The following CACNA1E variants were observed in gnomAD, a reference collection of about 807,000 sequenced individuals.
CACNA1E encodes the protein voltage-dependent R-type calcium channel subunit alpha-1E.
CACNA1E carries 40 observed loss-of-function variants against 259.2 expected under a neutral mutation model. The observed-to-expected ratio is 0.15, with a 90% confidence interval of 0.12 to 0.20. The LOEUF (loss-of-function observed/expected upper bound fraction) is 0.20, where lower values mean the gene tolerates loss of function less well. Among genes scored for constraint, CACNA1E ranks in the 10% least tolerant of loss-of-function variants. The pLI is 1.00. For missense variants in CACNA1E, 1,874 were observed against 3,040.1 expected, an observed-to-expected ratio of 0.62 and a Z score of 9.02; for synonymous variants, 1,104 against 1,138.5, an observed-to-expected ratio of 0.97 and a Z score of 0.61.
intron 40 of CACNA1E, 137 bp downstream of exon 40, chr1:181,783,921 C>G: frequency 1.7e-6 from 1 of 578,702 alleles, no homozygotes; most frequent in Non-Finnish European, 3.2e-6. Context: ...CATCAAGTAT[C>G]TGACTCAATA....
chr1:181,453,170 A>G (rs566359444), intron 2 of CACNA1E, among the ~76,000 whole-genome samples: 2 of 152,364 alleles, frequency 1.3e-5, no homozygotes, highest in East Asian at 1.9e-4. Flanking sequence ...TTTAAAGGCT[A>G]CAGTTTGCCT....
At chr1:181,727,174 G>A (rs1654990432) in intron 18 of CACNA1E, among the ~76,000 whole-genome samples, 1 of 152,198 alleles carries the variant, frequency 6.6e-6, no homozygotes, top group African/African-American at 2.4e-5. Context: ...CATTTAGATG[G>A]CATTTAAGTC....
In CACNA1E at chr1:181,731,169, C is replaced by A. The variant is rs1655440056; in HGVS notation, c.2241-6C>A. The A allele has an allele frequency of 6.2e-7, 1 of 1,612,974 alleles. No individual in the cohort carries two copies. The highest frequency in any genetic ancestry group is 8.5e-7 in the Non-Finnish European group (1 of 1,179,024). ...TGAACTGAACCTGTCCATTTTTCTT[C>A]CCCAGAAGAGACAGAAGGAGAAGAC... On this transcript the variant is annotated splice_region_variant and splice_polypyrimidine_tract_variant and intron_variant, in intron 18 of 47. Coordinates refer to ENST00000367573, the MANE Select transcript of CACNA1E (RefSeq NM_001205293.3).
intron 6 of CACNA1E, among the ~76,000 whole-genome samples, chr1:181,611,865 C>T (rs905644708): frequency 2.0e-5 from 3 of 152,196 alleles, no homozygotes; most frequent in African/African-American, 7.2e-5. Flanking sequence ...TATGATCATT[C>T]TAGTATGCAA....
At chr1:181,583,917 T>C (rs904196312) in intron 6 of CACNA1E, among the ~76,000 whole-genome samples, 1 of 152,194 alleles carries the variant, frequency 6.6e-6, no homozygotes, top group African/African-American at 2.4e-5. Flanking sequence ...GCAAACTCTC[T>C]TCTTTACTTA....
intron 1 of CACNA1E, among the ~76,000 whole-genome samples, chr1:181,407,821 T>G (rs1234549593): frequency 6.6e-6 from 1 of 152,232 alleles, no homozygotes; most frequent in Non-Finnish European, 1.5e-5. Context: ...TTTTACTGTA[T>G]CAGTTCTCTC....
At chr1:181,585,223 G>T (rs1254946046) in intron 6 of CACNA1E, among the ~76,000 whole-genome samples, 3 of 152,180 alleles carry the variant, frequency 2.0e-5, no homozygotes. Context: ...GCTTAGTGAG[G>T]AGCTATGATA....
chr1:181,503,306 C>T (rs953055085), intron 1 of CACNA1E, among the ~76,000 whole-genome samples: 2 of 152,204 alleles, frequency 1.3e-5, no homozygotes, highest in African/African-American at 4.8e-5. Context: ...GGAACTGGAG[C>T]CAGACTTCTG....
Position 181,733,707 on chromosome 1 carries a change from C to A in CACNA1E, c.3219C>A (p.Ala1073=). The change falls in exon 21 of 48, where the codon GCC becomes GCA. Residue 1073 remains alanine (A), a synonymous_variant. Transcript: ENST00000367573. The stretch of plus-strand genomic sequence containing the variant: ...CCGAGAGCACCAGCGTCACCGTCGC[C>A]ATCCCCGACGTGGACCCCTTGGTGG... ...ATTESTSVTV[A]IPDVDPLVDS... is the part of the protein sequence containing the mutation. 6.3e-7 allele frequency: 1 copy of A among 1,591,490 alleles called. No homozygotes were observed. The highest frequency in any genetic ancestry group is 8.6e-7 in the Non-Finnish European group (1 of 1,168,502).
intron 1 of CACNA1E, among the ~76,000 whole-genome samples, chr1:181,360,405 T>C (rs1034520415): frequency 2.6e-5 from 4 of 152,182 alleles, no homozygotes; most frequent in Admixed American, 2.6e-4. Flanking sequence ...ACAAAGAATT[T>C]AGCCATAAAA....
At chr1:181,341,246 T>C (rs1250638575) in intron 1 of CACNA1E, among the ~76,000 whole-genome samples, 2 of 152,184 alleles carry the variant, frequency 1.3e-5, no homozygotes, top group African/African-American at 2.4e-5. Flanking sequence ...TGCTTCAAAA[T>C]GCTTGGAGCA....
chr1:181,372,785 C>T lies in CACNA1E; in HGVS notation c.-14-40348C>T, dbSNP rs1160569009. On this transcript the variant is annotated intron_variant, in intron 1 of 11. Transcript: ENST00000524607. ...TTCCTTTGATACCTAGTTTGTTGAG[C>T]TACTAGCTCATGAAGGGATGTTGAA... 1.4e-4 allele frequency among the ~76,000 whole-genome samples: 21 copies of T among 149,918 alleles called. No homozygotes were observed. In the South Asian group the frequency reaches 4.5e-3, roughly 32 times the overall value.
At chr1:181,503,052 G>A (rs917889153) in intron 1 of CACNA1E, among the ~76,000 whole-genome samples, 3 of 152,202 alleles carry the variant, frequency 2.0e-5, no homozygotes, top group Admixed American at 6.5e-5. Flanking sequence ...GTGTAGACAG[G>A]TTAGGAAGCA....
chr1:181,689,022 G>A (rs1421432075), intron 7 of CACNA1E, among the ~76,000 whole-genome samples: 1 of 152,160 alleles, frequency 6.6e-6, no homozygotes, highest in Non-Finnish European at 1.5e-5. Context: ...TACATGTGCA[G>A]AATGTGTAGG....
At chr1:181,720,962 C>T (rs979851932) in intron 15 of CACNA1E, 107 bp downstream of exon 15, 20 of 743,996 alleles carry the variant, frequency 2.7e-5, no homozygotes, top group Non-Finnish European at 3.7e-5. Flanking sequence ...TTTCCAGGCT[C>T]CTCCCAGGGG....
chr1:181,773,991 A>G lies in CACNA1E; in HGVS notation c.5139+1760A>G, dbSNP rs924040793. Among the ~76,000 whole-genome samples the G allele has an allele frequency of 6.6e-5, 10 of 152,310 alleles. No homozygotes were observed. The South Asian group carries it at 2.1e-3, about 32-fold the overall frequency. ...CTTGGACAAGTCACACAGCTTCTCAACTCAAACCAGCCACTCTACAGAGAT... is the reference window on the plus strand; with the variant it reads ...CTTGGACAAGTCACACAGCTTCTCAGCTCAAACCAGCCACTCTACAGAGAT... On this transcript the variant is annotated intron_variant, in intron 37 of 47. Transcript: ENST00000367573.
chr1:181,349,729 C>T (rs1652888196), intron 1 of CACNA1E, among the ~76,000 whole-genome samples: 1 of 151,956 alleles, frequency 6.6e-6, no homozygotes, highest in African/African-American at 2.4e-5. Context: ...AGGGAGGACT[C>T]AGGGCTGTGT....
chr1:181,477,953 TCTCTAAAG>T (rs1420250529), intron 2 of CACNA1E, among the ~76,000 whole-genome samples: 1 of 152,204 alleles, frequency 6.6e-6, no homozygotes, highest in Non-Finnish European at 1.5e-5. Flanking sequence ...ATGCCTTACC[TCTCTAAAG>T]CTCAAGATCC....
At chr1:181,721,656 G>T in intron 15 of CACNA1E, 102 bp from the exon 16 acceptor site, 1 of 609,284 alleles carries the variant, frequency 1.6e-6, no homozygotes, top group South Asian at 2.5e-5. Flanking sequence ...TCAAGCAAGG[G>T]GGTAGATGCA....
Sources: allele counts gnomAD v4.1 joint callset (sites outside exome capture counted in the v4.1 genomes callset), GRCh38; gene constraint gnomAD v4.1.1; transcripts MANE v1.5; gene names NCBI Gene and HGNC (gene_info 2026-07-23, HGNC 2026-07-21).